The following RIMS2 variants were observed in gnomAD, a reference collection of about 807,000 sequenced individuals.
The protein encoded by RIMS2 is regulating synaptic membrane exocytosis protein 2.
RIMS2 carries 59 observed loss-of-function variants against 174.4 expected under a neutral mutation model. The ratio of observed to expected loss-of-function variants is 0.34; its 90% CI spans 0.27 to 0.42. RIMS2 has a LOEUF of 0.42. RIMS2 is among the 10% of genes least tolerant of loss of function. The probability of loss-of-function intolerance (pLI) is 1.00; values close to 1 mark genes in which losing one functional copy is unlikely to be tolerated. For missense variants in RIMS2, 1,620 were observed against 1,666.3 expected (o/e 0.97, Z 0.48); for synonymous variants, 606 against 572.5 (o/e 1.06, Z -0.84).
chr8:104,148,921 C>G, intron 19 of RIMS2, 73 bp downstream of exon 25: 1 of 1,423,902 alleles, frequency 7.0e-7, no homozygotes, highest in Non-Finnish European at 9.6e-7. Flanking sequence ...TTCTCTTACT[C>G]ATTTTATTGC....
intron 19 of RIMS2, among the ~76,000 whole-genome samples, chr8:104,041,588 T>C (rs2096610108): frequency 6.6e-6 from 1 of 151,664 alleles, no homozygotes; most frequent in Non-Finnish European, 1.5e-5. Flanking sequence ...TATGTATAGA[T>C]GTAATTTTTC....
intron 1 of RIMS2, among the ~76,000 whole-genome samples, chr8:103,633,611 A>G (rs2096001366): frequency 6.6e-6 from 1 of 152,154 alleles, no homozygotes; most frequent in South Asian, 2.1e-4. Context: ...TAGGAATGGT[A>G]CTATGTCTTT....
chr8:104,168,272 A>G (rs1468813549), intron 19 of RIMS2, among the ~76,000 whole-genome samples: 1 of 152,096 alleles, frequency 6.6e-6, no homozygotes, highest in African/African-American at 2.4e-5. Flanking sequence ...TCATTTTCAC[A>G]ATATTAATTC....
intron 19 of RIMS2, among the ~76,000 whole-genome samples, chr8:104,163,919 AG>A (rs1206002297): frequency 2.6e-5 from 4 of 152,258 alleles, no homozygotes; most frequent in Non-Finnish European, 4.4e-5. Context: ...GTAATACAGA[AG>A]TATAAGAAAG....
intron 1 of RIMS2, among the ~76,000 whole-genome samples, chr8:103,682,699 A>T (rs978391050): frequency 6.6e-6 from 1 of 152,194 alleles, no homozygotes; most frequent in African/African-American, 2.4e-5. Flanking sequence ...TAGGCCTGGT[A>T]GGATGAATAA....
chr8:103,953,475 G>A (rs1034686422), intron 14 of RIMS2, among the ~76,000 whole-genome samples: 2 of 152,186 alleles, frequency 1.3e-5, no homozygotes, highest in Non-Finnish European at 2.9e-5. Context: ...GATTTTTCAA[G>A]CCAGATTTTC....
At chr8:103,630,827 G>C (rs1173231236) in intron 1 of RIMS2, among the ~76,000 whole-genome samples, 2 of 152,114 alleles carry the variant, frequency 1.3e-5, no homozygotes, top group East Asian at 3.9e-4. Context: ...AGTGAGAACA[G>C]GTGGAACACA....
At chr8:103,590,101 C>G (rs1419568484) in intron 1 of RIMS2, among the ~76,000 whole-genome samples, 1 of 151,366 alleles carries the variant, frequency 6.6e-6, no homozygotes, top group Non-Finnish European at 1.5e-5. Context: ...GTTTGTAACT[C>G]AAAGAATAAA....
At chr8:104,071,663 A>C (rs753930140) in intron 19 of RIMS2, among the ~76,000 whole-genome samples, 1 of 152,026 alleles carries the variant, frequency 6.6e-6, no homozygotes, top group African/African-American at 2.4e-5. Flanking sequence ...GTCTCAATCT[A>C]CTGACCTCGT....
At chr8:103,894,325 A>T (rs1203714031) in intron 4 of RIMS2, among the ~76,000 whole-genome samples, 1 of 151,668 alleles carries the variant, frequency 6.6e-6, no homozygotes, top group Non-Finnish European at 1.5e-5. Context: ...TCTAAGGTCA[A>T]AGTACAGTTC....
intron 1 of RIMS2, among the ~76,000 whole-genome samples, chr8:103,609,124 T>C (rs2095272133): frequency 6.6e-6 from 1 of 152,240 alleles, no homozygotes; most frequent in Admixed American, 6.5e-5. Flanking sequence ...GAGCATTTTT[T>C]CATATGCTTG....
At chr8:103,892,722 C>T (rs1251892566) in intron 4 of RIMS2, among the ~76,000 whole-genome samples, 5 of 151,946 alleles carry the variant, frequency 3.3e-5, no homozygotes, top group African/African-American at 1.2e-4. Flanking sequence ...CTATATTAGG[C>T]ATCATTATAA....
At chr8:103,512,567 A>G (rs1236662054) in intron 1 of RIMS2, among the ~76,000 whole-genome samples, 9 of 152,056 alleles carry the variant, frequency 5.9e-5, no homozygotes, top group Admixed American at 5.9e-4. Context: ...ATTTCCTCTC[A>G]GAGGTATGCA....
At chr8:103,730,220 C>G (rs1431934969) in intron 2 of RIMS2, among the ~76,000 whole-genome samples, 5 of 151,996 alleles carry the variant, frequency 3.3e-5, no homozygotes, top group African/African-American at 1.2e-4. Flanking sequence ...TTCTTTAGCT[C>G]TAGTAATATT....
intron 18 of RIMS2, among the ~76,000 whole-genome samples, 175 bp from the exon 21 acceptor site, chr8:104,014,331 C>A (rs1308157949): frequency 2.0e-5 from 3 of 152,128 alleles, no homozygotes; most frequent in Non-Finnish European, 4.4e-5. Flanking sequence ...AAATAAACAT[C>A]TTTTGCTATT....
intron 1 of RIMS2, among the ~76,000 whole-genome samples, chr8:103,619,866 G>A (rs1269354520): frequency 1.3e-5 from 2 of 152,018 alleles, no homozygotes; most frequent in African/African-American, 2.4e-5. Context: ...GCTACAAGAT[G>A]TATGTACATA....
intron 3 of RIMS2, among the ~76,000 whole-genome samples, chr8:103,782,774 A>G (rs137988036): frequency 5.9e-5 from 9 of 152,172 alleles, no homozygotes; most frequent in African/African-American, 2.2e-4. Context: ...TATGTTTAAG[A>G]GTAGTTTTTT....
chr8:103,836,411 A>G (rs1179323270), intron 3 of RIMS2, among the ~76,000 whole-genome samples: 2 of 152,102 alleles, frequency 1.3e-5, no homozygotes, highest in Non-Finnish European at 1.5e-5. Flanking sequence ...GAAAGAAAAA[A>G]AATAGCCAGT....
chr8:103,720,563 T>TA (rs2097432661), intron 2 of RIMS2, among the ~76,000 whole-genome samples: 2 of 152,254 alleles, frequency 1.3e-5, no homozygotes, highest in South Asian at 2.1e-4. Flanking sequence ...AGCAAACTCA[T>TA]AAAAAAATCA....
Sources: gnomAD v4.1 joint callset for allele counts (sites outside exome capture counted in the v4.1 genomes callset) on GRCh38, gnomAD v4.1.1 for gene constraint, MANE v1.5 for transcripts, NCBI Gene and HGNC (gene_info 2026-07-23, HGNC 2026-07-21) for gene names.